The following PLCH1 variants were observed in gnomAD, a reference collection of about 807,000 sequenced individuals.
The protein encoded by PLCH1 is phospholipase C eta 1.
Under a neutral mutation model 126.7 loss-of-function variants are expected in PLCH1, and 60 were observed. The observed-to-expected ratio is 0.47, with a 90% confidence interval of 0.38 to 0.59. The LOEUF is 0.59. Ranked by LOEUF, PLCH1 falls within the 20% of genes least tolerant of loss-of-function variation. The pLI is 0.00. For synonymous variants in PLCH1, 719 were observed against 734.9 expected, an observed-to-expected ratio of 0.98 and a Z score of 0.35; for missense variants, 1,723 against 2,040.0, an observed-to-expected ratio of 0.84 and a Z score of 2.99.
At chr3:155,516,043 C>T (rs527346578) in intron 11 of PLCH1, among the ~76,000 whole-genome samples, 19 of 152,306 alleles carry the variant, frequency 1.2e-4, no homozygotes, top group Non-Finnish European at 2.1e-4. Flanking sequence ...TATTGAATTT[C>T]CCTGTATCAC....
chr3:155,715,530 C>A (rs1747436106), intron 1 of PLCH1, among the ~76,000 whole-genome samples: 1 of 151,684 alleles, frequency 6.6e-6, no homozygotes, highest in South Asian at 2.1e-4. Context: ...GTCTGGAACT[C>A]CTGAGCTCAA....
At chr3:155,547,540 G>T (rs1340889271) in intron 10 of PLCH1, among the ~76,000 whole-genome samples, 3 of 151,162 alleles carry the variant, frequency 2.0e-5, no homozygotes, top group Admixed American at 1.3e-4. Flanking sequence ...CCATTACTGG[G>T]TATATACCCA....
Position 155,514,801 on chromosome 3 carries a change from A to G in PLCH1, c.1554T>C (p.Asp518=), listed in dbSNP as rs767820608. Residue 518 remains aspartate (D), a synonymous_variant, in exon 12 of 23, where the codon GAT becomes GAC. Coordinates refer to ENST00000460012, the MANE Select transcript of PLCH1 (RefSeq NM_014996.4). ...CTGTGAAACTATCAGGATCTTCTTT[A>G]TCTCGAATTTGAGATTCTTTTAACA... is the stretch of plus-strand genomic sequence containing the variant. ...ESLLKESQIR[D]KEDPDSFTVR... is the part of the protein sequence containing the mutation. 6.2e-7 allele frequency: 1 copy of G among 1,613,458 alleles called. No homozygotes were observed.
intron 11 of PLCH1, among the ~76,000 whole-genome samples, chr3:155,521,152 T>C (rs1391312726): frequency 3.9e-5 from 6 of 152,170 alleles, no homozygotes; most frequent in South Asian, 4.1e-4. Flanking sequence ...ATAGATCCCT[T>C]ACATATACAC....
downstream of PLCH1, among the ~76,000 whole-genome samples, chr3:155,475,724 A>G (rs960935823): frequency 1.3e-5 from 2 of 152,166 alleles, no homozygotes; most frequent in East Asian, 3.9e-4. Context: ...AGAAATTGAC[A>G]AATTTCTAGA....
rs554574684 is a variant in PLCH1, at chr3:155,741,715, A to G, written c.-41+3125T>C. On this transcript the variant is annotated intron_variant, in intron 1 of 22. Coordinates refer to ENST00000460012, the MANE Select transcript of PLCH1 (RefSeq NM_014996.4). Reference sequence around the variant, plus strand: ...TTTTTTTTTTTTTTTGTTCAGGGAAAAAATAGTTATGATCCTTCAGGCATG... The same window carrying G: ...TTTTTTTTTTTTTTTGTTCAGGGAAGAAATAGTTATGATCCTTCAGGCATG... 9.0e-3 allele frequency among the ~76,000 whole-genome samples: 743 copies of G among 82,296 alleles called. 3 individuals are homozygous for G. The highest frequency in any genetic ancestry group is 0.012 in the Non-Finnish European group (585 of 50,014). The allele number at this position is 82,296 out of a possible 152,430, so 54.0% of individuals were successfully genotyped here.
chr3:155,482,458 C>T lies in PLCH1; in HGVS notation c.3568G>A (p.Ala1190Thr). The T allele has an allele frequency of 6.2e-7, 1 of 1,614,134 alleles. No homozygotes were observed. The highest frequency in any genetic ancestry group is 8.5e-7 in the Non-Finnish European group (1 of 1,180,026). The part of the protein sequence containing the change: ...NENEPGSSIS[A>T]LIGQFDETNN... The stretch of plus-strand genomic sequence containing the variant: ...GTCTCATCAAACTGGCCAATCAGGG[C>T]TGAGATGGAACTGCCCGGCTCATTC... Residue 1190 changes from alanine (A) to threonine (T), a missense_variant, in exon 23 of 23, where the codon GCC becomes ACC. This residue lies in a region of PLCH1 where 947 missense variants were observed against 977.1 expected (regional missense o/e 0.97). Coordinates refer to ENST00000460012, the MANE Select transcript of PLCH1 (RefSeq NM_014996.4).
intron 1 of PLCH1, among the ~76,000 whole-genome samples, chr3:155,710,626 A>G (rs1013089404): frequency 3.3e-5 from 5 of 152,060 alleles, no homozygotes; most frequent in Non-Finnish European, 7.4e-5. Context: ...TGAGGTCAGG[A>G]GTTTGAGACC....
intron 1 of PLCH1, among the ~76,000 whole-genome samples, chr3:155,708,815 G>A (rs73156584): frequency 0.085 from 12,886 of 152,014 alleles, 750 homozygotes; most frequent in Middle Eastern, 0.13. Context: ...TTCAGAACTC[G>A]ATAAGCATTT....
intron 1 of PLCH1, among the ~76,000 whole-genome samples, chr3:155,731,244 A>C (rs969493323): frequency 3.3e-5 from 5 of 152,232 alleles, no homozygotes; most frequent in African/African-American, 9.7e-5. Context: ...CGTTGGACCT[A>C]GGTACCAGAC....
intron 21 of PLCH1, among the ~76,000 whole-genome samples, chr3:155,466,873 C>A (rs1050070844): frequency 6.6e-6 from 1 of 152,078 alleles, no homozygotes; most frequent in Non-Finnish European, 1.5e-5. Flanking sequence ...CATCAGAGTT[C>A]TTTAATTGTG....
chr3:155,606,259 G>A (rs1043914586), intron 2 of PLCH1, among the ~76,000 whole-genome samples: 2 of 152,032 alleles, frequency 1.3e-5, no homozygotes, highest in Non-Finnish European at 2.9e-5. Flanking sequence ...GAGGACCTAA[G>A]GTAATTTCTG....
intron 11 of PLCH1, among the ~76,000 whole-genome samples, chr3:155,522,711 T>TC (rs1491371294): frequency 0.13 from 801 of 5,956 alleles, 9 homozygotes; most frequent in African/African-American, 0.33. Flanking sequence ...TTTCTCTCTC[T>TC]TTTTTTTTTT....
At chr3:155,543,045 T>A (rs1724603723) in intron 10 of PLCH1, among the ~76,000 whole-genome samples, 1 of 152,196 alleles carries the variant, frequency 6.6e-6, no homozygotes, top group Admixed American at 6.5e-5. Flanking sequence ...GGACAATGAC[T>A]TTGCCGAGTT....
chr3:155,555,066 T>C (rs1726629694), intron 8 of PLCH1, among the ~76,000 whole-genome samples: 1 of 152,256 alleles, frequency 6.6e-6, no homozygotes, highest in Non-Finnish European at 1.5e-5. Context: ...TTCACCTCAT[T>C]GCTCCTTTGC....
intron 11 of PLCH1, among the ~76,000 whole-genome samples, chr3:155,517,388 G>A (rs748654799): frequency 6.6e-5 from 10 of 152,126 alleles, no homozygotes; most frequent in Non-Finnish European, 1.2e-4. Context: ...CAATAGAAAT[G>A]TACTTATTTT....
intron 4 of PLCH1, among the ~76,000 whole-genome samples, chr3:155,592,157 G>A (rs1234360437): frequency 7.3e-6 from 1 of 136,728 alleles, no homozygotes; most frequent in Non-Finnish European, 1.6e-5. Flanking sequence ...TTTCTGGGAA[G>A]TTTTTCTTTT....
chr3:155,482,512 G>A lies in PLCH1; in HGVS notation c.3514C>T (p.Leu1172Phe), dbSNP rs1714302147. ...AILQESVISH[L>F]IDNVTLTNEN... ...TTTGTTAAAGTGACATTGTCAATAA[G>A]ATGGGAAATTACACTCTCCTGCAGA... Residue 1172 changes from leucine to phenylalanine, a missense_variant, in exon 23 of 23, where the codon CTT becomes TTT. Around this residue, in one of 2 missense-constraint regions of PLCH1, gnomAD observed 947 missense variants for 977.1 expected, o/e 0.97. Transcript: ENST00000460012. 6.2e-7 allele frequency: 1 copy of A among 1,614,044 alleles called. No individual in the cohort carries two copies. The highest frequency in any genetic ancestry group is 1.3e-5 in the African/African-American group (1 of 74,928).
chr3:155,520,852 C>T (rs1720989760), intron 11 of PLCH1, among the ~76,000 whole-genome samples: 1 of 152,164 alleles, frequency 6.6e-6, no homozygotes, highest in Admixed American at 6.5e-5. Context: ...TTAAAAGATT[C>T]AGTTAATTCA....
Sources: allele counts gnomAD v4.1 joint callset (sites outside exome capture counted in the v4.1 genomes callset), GRCh38; gene constraint gnomAD v4.1.1; regional missense constraint gnomAD v4.1.1; transcripts MANE v1.5; gene names NCBI Gene and HGNC (gene_info 2026-07-23, HGNC 2026-07-21).